Variants in ZNF680 observed in about 807,000 individuals in gnomAD.
The protein encoded by ZNF680 is hypothetical protein FLJ90430.
ZNF680 carries 6 observed loss-of-function variants against 12.1 expected under a neutral mutation model. The ratio of observed to expected loss-of-function variants is 0.49; its 90% CI spans 0.27 to 0.98. The LOEUF (loss-of-function observed/expected upper bound fraction) is 0.98, where lower values mean the gene tolerates loss of function less well. Among genes scored for constraint, ZNF680 ranks in the 50% least tolerant of loss-of-function variants. The probability of loss-of-function intolerance (pLI) is 0.12; values close to 1 mark genes in which losing one functional copy is unlikely to be tolerated. For missense variants in ZNF680, 561 were observed against 616.3 expected (o/e 0.91, Z 0.95); for synonymous variants, 170 against 199.3 (o/e 0.85, Z 1.24).
chr7:64,507,824 AACAC>A, the ZNF680 span, among the ~76,000 whole-genome samples: 3,559 of 136,322 alleles, frequency 0.026, 64 homozygotes, highest in Middle Eastern at 0.043. Context: ...AATTCCAGGA[AACAC>A]ACACACACAC....
the ZNF680 span, chr7:64,501,155 CT>C: frequency 1.1e-6 from 1 of 889,222 alleles, no homozygotes; most frequent in Non-Finnish European, 1.9e-6. Flanking sequence ...ACAGAACACC[CT>C]TCTCCATCGC....
the ZNF680 span, chr7:64,501,649 C>A: frequency 1.1e-6 from 1 of 936,462 alleles, no homozygotes; most frequent in Non-Finnish European, 1.8e-6. Flanking sequence ...GGATGGCCAG[C>A]TGGAGTTGAC....
At chr7:64,543,443 C>A (rs1786612626) in intron 3 of ZNF680, among the ~76,000 whole-genome samples, 1 of 152,152 alleles carries the variant, frequency 6.6e-6, no homozygotes, top group Admixed American at 6.5e-5. Flanking sequence ...TCAGATTGTG[C>A]AGTCTCTTAT....
intron 2 of ZNF680, 139 bp downstream of exon 2, chr7:64,544,167 G>T: frequency 7.6e-7 from 1 of 1,311,904 alleles, no homozygotes; most frequent in Non-Finnish European, 1.0e-6. Context: ...TTTTCTACAT[G>T]GACAAAGCTC....
chr7:64,550,845 G>A (rs1787037511), intron 1 of ZNF680, among the ~76,000 whole-genome samples: 1 of 151,928 alleles, frequency 6.6e-6, no homozygotes, highest in Non-Finnish European at 1.5e-5. Context: ...CCCCTCTAGA[G>A]TAAAGCTTGG....
intron 3 of ZNF680, among the ~76,000 whole-genome samples, chr7:64,532,172 G>A (rs1785919174): frequency 6.6e-6 from 1 of 151,998 alleles, no homozygotes; most frequent in Admixed American, 6.6e-5. Flanking sequence ...GGGCATGGTG[G>A]TGGGCACCTG....
At chr7:64,512,340 C>T in the ZNF680 span, among the ~76,000 whole-genome samples, 2 of 151,148 alleles carry the variant, frequency 1.3e-5, no homozygotes, top group South Asian at 2.1e-4. Flanking sequence ...GTAGTCCCAG[C>T]TACTCAGGAG....
chr7:64,514,381 ATTTC>A, the ZNF680 span, among the ~76,000 whole-genome samples: 1 of 146,410 alleles, frequency 6.8e-6, no homozygotes, highest in African/African-American at 2.5e-5. Flanking sequence ...AAATAACCAC[ATTTC>A]TTTGTCAATT....
intron 1 of ZNF680, among the ~76,000 whole-genome samples, chr7:64,554,170 G>A (rs1342394375): frequency 6.6e-6 from 1 of 151,580 alleles, no homozygotes; most frequent in African/African-American, 2.4e-5. Context: ...CCATCGTCTG[G>A]GATGTGGGGA....
intron 3 of ZNF680, among the ~76,000 whole-genome samples, chr7:64,527,031 A>G (rs1791890874): frequency 6.6e-6 from 1 of 152,170 alleles, no homozygotes; most frequent in African/African-American, 2.4e-5. Context: ...TGAGGTCGGG[A>G]GTTCGAGGCC....
intron 2 of ZNF680, chr7:64,544,089 G>C (rs1264775522): frequency 1.5e-6 from 1 of 664,762 alleles, no homozygotes; most frequent in East Asian, 3.5e-5. Flanking sequence ...CTAATCTAGA[G>C]TGAAGGACAT....
downstream of ZNF680, among the ~76,000 whole-genome samples, chr7:64,516,911 T>G (rs546885095): frequency 6.6e-6 from 1 of 152,182 alleles, no homozygotes; most frequent in East Asian, 1.9e-4. Flanking sequence ...TTAAAAATTT[T>G]AATGGAATGA....
chr7:64,501,588 G>A, the ZNF680 span: 1 of 768,652 alleles, frequency 1.3e-6, no homozygotes, highest in South Asian at 1.3e-5. Flanking sequence ...GGGCGCAGAT[G>A]ACTCTGCTGA....
At chr7:64,553,639 G>A (rs966961516) in intron 1 of ZNF680, among the ~76,000 whole-genome samples, 2 of 152,234 alleles carry the variant, frequency 1.3e-5, no homozygotes, top group Non-Finnish European at 2.9e-5. Context: ...ATGCCAAGCC[G>A]AGGCTGGACT....
chr7:64,556,745 T>G (rs1378691467), intron 1 of ZNF680, among the ~76,000 whole-genome samples: 2 of 152,310 alleles, frequency 1.3e-5, no homozygotes, highest in East Asian at 3.9e-4. Context: ...ACATAGGAAC[T>G]GGCAAAGATT....
At chr7:64,548,070 C>G (rs1786876420) in intron 1 of ZNF680, among the ~76,000 whole-genome samples, 1 of 152,114 alleles carries the variant, frequency 6.6e-6, no homozygotes, top group South Asian at 2.1e-4. Flanking sequence ...GCTCTCTATG[C>G]CACTGAGGTA....
downstream of ZNF680, among the ~76,000 whole-genome samples, chr7:64,516,794 T>C (rs1354551885): frequency 1.3e-5 from 2 of 152,058 alleles, no homozygotes; most frequent in African/African-American, 4.8e-5. Context: ...TGGAATAAAA[T>C]TGAAAGTTAA....
At chr7:64,548,692 C>T (rs1251630937) in intron 1 of ZNF680, among the ~76,000 whole-genome samples, 1 of 152,130 alleles carries the variant, frequency 6.6e-6, no homozygotes, top group Non-Finnish European at 1.5e-5. Context: ...CCACTCTTGT[C>T]AGCCTGACAC....
intron 1 of ZNF680, among the ~76,000 whole-genome samples, chr7:64,546,710 T>C (rs1395541892): frequency 1.3e-5 from 2 of 152,174 alleles, no homozygotes; most frequent in African/African-American, 4.8e-5. Context: ...ACCACTGCAC[T>C]CCAGTTTGGG....
Sources: gnomAD v4.1 joint callset for allele counts (sites outside exome capture counted in the v4.1 genomes callset) on GRCh38, gnomAD v4.1.1 for gene constraint, MANE v1.5 for transcripts, NCBI Gene and HGNC (gene_info 2026-07-23, HGNC 2026-07-21) for gene names.